PIGZ: variants seen among roughly 807,000 people sequenced by gnomAD.
PIGZ encodes the protein phosphatidylinositol glycan anchor biosynthesis class Z (Gwada blood group).
A neutral mutation model predicts 16.4 loss-of-function variants in PIGZ; 16 were observed. That is an observed-to-expected ratio of 0.97 (90% CI 0.66 to 1.48). The LOEUF is 1.48. Among genes scored for constraint, PIGZ ranks in the 40% most tolerant of loss-of-function variants. The pLI, the probability that PIGZ is intolerant of heterozygous loss-of-function variation, is 0.00. For synonymous variants in PIGZ, 409 were observed against 338.4 expected, an observed-to-expected ratio of 1.21 and a Z score of -2.29; for missense variants, 770 against 739.2, an observed-to-expected ratio of 1.04 and a Z score of -0.48.
chr3:196,947,821 G>A lies in PIGZ; in HGVS notation c.1076C>T (p.Ala359Val). 1 of 1,609,130 alleles carries A rather than the reference G, an allele frequency of 6.2e-7. No homozygotes were observed. ...AQMGLLRALG[A>V]RSLLSSPRSY... ...CCTGGGGCTGGACAGCAGGCTCCGGGCACCCAGTGCCCTCAGGAGGCCCAT... is the reference window on the plus strand; with the variant it reads ...CCTGGGGCTGGACAGCAGGCTCCGGACACCCAGTGCCCTCAGGAGGCCCAT... The change falls in exon 3 of 3, where the codon GCC (alanine) becomes GTC (valine). Residue 359 changes from alanine (A) to valine (V), a missense_variant. Transcript: ENST00000412723.
At chr3:196,968,533 G>A (rs892037357) in intron 1 of PIGZ, among the ~76,000 whole-genome samples, 154 bp downstream of exon 1, 3 of 152,222 alleles carry the variant, frequency 2.0e-5, no homozygotes, top group Admixed American at 6.5e-5. Flanking sequence ...CTGCGAGAAT[G>A]CGGGGGGCGG....
rs550397738 is a variant in PIGZ, at chr3:196,956,679, C to G, written c.1-4648G>C. Among the ~76,000 whole-genome samples the G allele has an allele frequency of 1.1e-4, 16 of 152,296 alleles. No homozygotes were observed. In the South Asian group the frequency reaches 3.3e-3, roughly 32 times the overall value. ...ATCTTTAGCTCTCTTGGCTATATGT[C>G]GGGTAAGTTCTGTTCTATCTTCCAT... On this transcript the variant is annotated intron_variant, in intron 1 of 2. Coordinates refer to ENST00000412723, the MANE Select transcript of PIGZ (RefSeq NM_025163.4).
chr3:196,948,144 CA>C lies in PIGZ; in HGVS notation c.752del (p.Leu251Ter). ...WGTRGATNPGLKSLTREALVL... is the reference protein window; with the variant it reads ...WGTRGATNPGXKSLTREALVL... ...CCAGGGCCTCCCGGGTCAGAGACTT[CA>C]AACCAGGGTTTGTGGCTCCACGAGT... On this transcript the variant is annotated frameshift_variant, in exon 3 of 3. Transcript: ENST00000412723. LOFTEE classifies it low-confidence loss of function (END_TRUNC). 1 of 1,609,742 alleles carries C rather than the reference CA, an allele frequency of 6.2e-7. No individual in the cohort carries two copies. Among genetic ancestry groups the C allele is most frequent in the Non-Finnish European group, 8.5e-7 (1 of 1,177,266 alleles).
At chr3:196,955,603 GT>G (rs1319099517) in intron 1 of PIGZ, among the ~76,000 whole-genome samples, 104 of 112,346 alleles carry the variant, frequency 9.3e-4, no homozygotes, top group African/African-American at 3.2e-3. Flanking sequence ...TTTTGAGATA[GT>G]CTCGCTCTGC....
chr3:196,961,913 C>T (rs1717736505), intron 1 of PIGZ, among the ~76,000 whole-genome samples: 3 of 152,134 alleles, frequency 2.0e-5, no homozygotes. Context: ...CAAGAAGAAC[C>T]CCATATCATT....
At chr3:196,968,394 AC>A (rs1372838194) in intron 1 of PIGZ, among the ~76,000 whole-genome samples, 1 of 152,048 alleles carries the variant, frequency 6.6e-6, no homozygotes, top group Non-Finnish European at 1.5e-5. Context: ...CTGCGCCCAG[AC>A]CCGTGCCCTG....
chr3:196,948,136 A>G lies in PIGZ; in HGVS notation c.761T>C (p.Leu254Pro), dbSNP rs1717007962. ...GAGCAGCACCAGGGCCTCCCGGGTCAGAGACTTCAAACCAGGGTTTGTGGC... is the reference window on the plus strand; with the variant it reads ...GAGCAGCACCAGGGCCTCCCGGGTCGGAGACTTCAAACCAGGGTTTGTGGC... ...RGATNPGLKS[L>P]TREALVLLPG... The change falls in exon 3 of 3, where the codon CTG (leucine) becomes CCG (proline). Residue 254 changes from leucine to proline, a missense_variant. Coordinates refer to ENST00000412723, the MANE Select transcript of PIGZ (RefSeq NM_025163.4). 7 of 1,606,346 alleles carry G rather than the reference A, an allele frequency of 4.4e-6. No individual in the cohort carries two copies. Among genetic ancestry groups the G allele is most frequent in the Admixed American group, 1.7e-5 (1 of 59,442 alleles).
chr3:196,948,396 G>C lies in PIGZ; in HGVS notation c.501C>G (p.Val167=). The C allele has an allele frequency of 6.2e-7, 1 of 1,614,156 alleles. No homozygotes were observed. The highest frequency in any genetic ancestry group is 2.2e-5 in the East Asian group (1 of 44,866). The change falls in exon 3 of 3, where the codon GTC becomes GTG. Residue 167 remains valine (V), a synonymous_variant. Coordinates refer to ENST00000412723, the MANE Select transcript of PIGZ (RefSeq NM_025163.4). ...AGGTCCTTGTGTAGAAGACCAGGGT[G>C]ACGTAGGAACCAGACAGCAGGGCCA... is the stretch of plus-strand genomic sequence containing the variant. The part of the protein sequence containing the change: ...NALALLSGSY[V]TLVFYTRTFS...
At chr3:196,964,515 G>A (rs568337467) in intron 1 of PIGZ, among the ~76,000 whole-genome samples, 18 of 151,870 alleles carry the variant, frequency 1.2e-4, no homozygotes, top group African/African-American at 3.4e-4. Context: ...GCATCACCAC[G>A]CCTGGCTAAT....
chr3:196,947,129 C>T lies in PIGZ; in HGVS notation c.*28G>A. 6.6e-7 allele frequency: 1 copy of T among 1,526,036 alleles called. No individual in the cohort carries two copies. The highest frequency in any genetic ancestry group is 1.3e-5 in the South Asian group (1 of 76,144). The allele number at this position is 1,526,036 out of a possible 1,614,324, so 94.5% of individuals were successfully genotyped here. On this transcript the variant is annotated 3_prime_UTR_variant, in exon 3 of 3. Coordinates refer to ENST00000412723, the MANE Select transcript of PIGZ (RefSeq NM_025163.4). ...GGGGCGGCATCTTCTATGGCTGAGT[C>T]TTGGGCAGTGGGTGCTCTGTCATAT...
chr3:196,948,170 TGC>T lies in PIGZ; in HGVS notation c.725_726del (p.Gly242AspfsTer143). On this transcript the variant is annotated frameshift_variant, in exon 3 of 3. Transcript: ENST00000412723. LOFTEE classifies it low-confidence loss of function (END_TRUNC). ...AFAVVPLYLW[G>X]TRGATNPGLK... is the part of the protein sequence containing the mutation. The stretch of plus-strand genomic sequence containing the variant: ...AAACCAGGGTTTGTGGCTCCACGAG[TGC>T]CCCAGAGGTAGAGGGGGACCACAGC... The T allele has an allele frequency of 6.2e-7, 1 of 1,613,152 alleles. No individual in the cohort carries two copies. Among genetic ancestry groups the T allele is most frequent in the South Asian group, 1.1e-5 (1 of 91,026 alleles).
At chr3:196,956,883 G>T (rs1717509369) in intron 1 of PIGZ, among the ~76,000 whole-genome samples, 1 of 152,202 alleles carries the variant, frequency 6.6e-6, no homozygotes, top group South Asian at 2.1e-4. Context: ...CATACTTGTT[G>T]GATATACTAG....
intron 2 of PIGZ, among the ~76,000 whole-genome samples, chr3:196,949,991 ATTTT>A (rs892175977): frequency 7.5e-5 from 11 of 146,636 alleles, no homozygotes; most frequent in African/African-American, 2.2e-4. Flanking sequence ...CAATACTTAA[ATTTT>A]TTTTTTTTTA....
At chr3:196,967,304 G>T (rs1295656841) in intron 1 of PIGZ, among the ~76,000 whole-genome samples, 1 of 152,174 alleles carries the variant, frequency 6.6e-6, no homozygotes, top group African/African-American at 2.4e-5. Context: ...TCTGCTCCAG[G>T]GACAGCCGTG....
chr3:196,949,787 G>A (rs1047536530), intron 2 of PIGZ, among the ~76,000 whole-genome samples: 3 of 151,932 alleles, frequency 2.0e-5, no homozygotes, highest in African/African-American at 7.3e-5. Context: ...GCGGGCAGGT[G>A]GGGGAGGCCT....
rs1560181323 is a variant in PIGZ, at chr3:196,948,973, C to CCTTCCCT, written c.212-289_212-288insAGGGAAG. Among the ~76,000 whole-genome samples the CCTTCCCT allele has an allele frequency of 1.7e-3, 30 of 17,326 alleles. 7 individuals are homozygous for CCTTCCCT. Among genetic ancestry groups the CCTTCCCT allele is most frequent in the East Asian group, 9.3e-3 (1 of 108 alleles). The allele number at this position is 17,326 out of a possible 152,430, so 11.4% of individuals were successfully genotyped here. On this transcript the variant is annotated intron_variant, in intron 2 of 2. Transcript: ENST00000412723. ...CCTCCCCTCCCTTCCTTCCCTTCCC[C>CCTTCCCT]TCCCCTCCCTTCCCTTCCTTCCCTT...
Position 196,948,076 on chromosome 3 carries a change from G to A in PIGZ, c.821C>T (p.Ala274Val), listed in dbSNP as rs140946995. 2,685 of 1,587,996 alleles carry A rather than the reference G, an allele frequency of 1.7e-3. 9 individuals carry two copies. Among genetic ancestry groups the A allele is most frequent in the Admixed American group, 2.7e-3 (155 of 58,352 alleles). ...GAALTAAVFV[A>V]TDSWYFSSPA... ...GCTGGAGAAATACCAGCTGTCCGTG[G>A]CCACAAACACCGCTGCTGTGAGGGC... is the stretch of plus-strand genomic sequence containing the variant. The change falls in exon 3 of 3, where the codon GCC becomes GTC. Residue 274 changes from alanine (A) to valine (V), a missense_variant. Physicochemically the swap from Ala to Val is moderately conservative, Grantham distance 64. Transcript: ENST00000412723.
Position 196,966,642 on chromosome 3 carries a change from C to T in PIGZ, c.-1+2045G>A, listed in dbSNP as rs894277546. Among the ~76,000 whole-genome samples, 10 of 152,294 alleles carry T rather than the reference C, an allele frequency of 6.6e-5. No homozygotes were observed. The East Asian group carries it at 9.7e-4, about 15-fold the overall frequency. On this transcript the variant is annotated intron_variant, in intron 1 of 2. Coordinates refer to ENST00000412723, the MANE Select transcript of PIGZ (RefSeq NM_025163.4). ...AGTGGGGCATCGACCATAACAAATG[C>T]GGGAGCTCCAGGGAACGACCCCCGC... is the stretch of plus-strand genomic sequence containing the variant.
At position 196,948,888 on chromosome 3, in the gene PIGZ, C is replaced by CCCTTCCTTCCCTTCCTT. The variant is rs1491233513; in HGVS notation, c.212-204_212-203insAAGGAAGGGAAGGAAGG. Among the ~76,000 whole-genome samples the CCCTTCCTTCCCTTCCTT allele has an allele frequency of 1.9e-4, 2 of 10,762 alleles. 1 individual carries two copies. Among genetic ancestry groups the CCCTTCCTTCCCTTCCTT allele is most frequent in the African/African-American group, 1.1e-3 (2 of 1,814 alleles). 7.1% of individuals were successfully genotyped at this position (10,762 alleles called of 152,430 possible). On this transcript the variant is annotated intron_variant, in intron 2 of 2. Coordinates refer to ENST00000412723, the MANE Select transcript of PIGZ (RefSeq NM_025163.4). ...CTTCCCTTCCTTCCTTCCCTTCCTTCCCCTTCCTTCCCTTCCCCTCCCCTC... is the reference window on the plus strand; with the variant it reads ...CTTCCCTTCCTTCCTTCCCTTCCTTCCCTTCCTTCCCTTCCTTCCCTTCCTTCCCTTCCCCTCCCCTC...
Sources: allele counts gnomAD v4.1 joint callset (sites outside exome capture counted in the v4.1 genomes callset), GRCh38; gene constraint gnomAD v4.1.1; transcripts MANE v1.5; gene names NCBI Gene and HGNC (gene_info 2026-07-23, HGNC 2026-07-21).